The following FNIP2 variants were observed in gnomAD, a reference collection of about 807,000 sequenced individuals.
The protein encoded by FNIP2 is folliculin interacting protein 2.
Under a neutral mutation model 108.7 loss-of-function variants are expected in FNIP2, and 32 were observed. The observed-to-expected ratio is 0.29, with a 90% CI of 0.22 to 0.40. The LOEUF (loss-of-function observed/expected upper bound fraction) is 0.40, where lower values mean the gene tolerates loss of function less well. FNIP2 is among the 10% of genes least tolerant of loss of function. The probability of loss-of-function intolerance (pLI) is 1.00; values close to 1 mark genes in which losing one functional copy is unlikely to be tolerated. For missense variants in FNIP2, 1,202 were observed against 1,381.6 expected, an observed-to-expected ratio of 0.87 and a Z score of 2.06; for synonymous variants, 480 against 496.7, an observed-to-expected ratio of 0.97 and a Z score of 0.45.
chr4:158,822,273 G>A (rs185580298), intron 1 of FNIP2, among the ~76,000 whole-genome samples: 62 of 149,212 alleles, frequency 4.2e-4, no homozygotes, highest in South Asian at 2.3e-3. Context: ...GACTTCCCGA[G>A]CTCAGGTGAT....
At chr4:158,828,208 T>G (rs1275609775) in intron 2 of FNIP2, among the ~76,000 whole-genome samples, 2 of 152,230 alleles carry the variant, frequency 1.3e-5, no homozygotes, top group East Asian at 1.9e-4. Flanking sequence ...CATCACATGC[T>G]ATGTAATTCA....
At chr4:158,802,442 C>G (rs1776795023) in intron 1 of FNIP2, among the ~76,000 whole-genome samples, 2 of 151,674 alleles carry the variant, frequency 1.3e-5, no homozygotes, top group Admixed American at 1.3e-4. Context: ...TTGCAAGATT[C>G]ATTAAATGAG....
Position 158,907,773 on chromosome 4 carries a change from C to T in FNIP2, c.*3229C>T, listed in dbSNP as rs1248004885. 1 of 152,096 alleles carries T rather than the reference C, an allele frequency of 6.6e-6. No homozygotes were observed. Among genetic ancestry groups the T allele is most frequent in the Non-Finnish European group, 1.5e-5 (1 of 68,034 alleles). The allele number at this position is 152,096 out of a possible 1,614,324, so 9.4% of individuals were successfully genotyped here. A position where few individuals can be genotyped will look rare whatever the true frequency, so the allele number is the denominator to read the frequency against. ...ATTTTTGCCTAAATCAAGAAGTCCC[C>T]TCTGAATGTTAATTTTTAAATGTCA... is the stretch of plus-strand genomic sequence containing the variant. On this transcript the variant is annotated 3_prime_UTR_variant, in exon 17 of 17. Coordinates refer to ENST00000264433, the MANE Select transcript of FNIP2 (RefSeq NM_020840.3).
At chr4:158,866,508 G>A (rs1780592911) in intron 12 of FNIP2, among the ~76,000 whole-genome samples, 1 of 151,684 alleles carries the variant, frequency 6.6e-6, no homozygotes, top group Non-Finnish European at 1.5e-5. Context: ...GTGAGCCACC[G>A]TGCCCAGCCC....
chr4:158,783,362 C>G (rs1776114900), intron 1 of FNIP2, among the ~76,000 whole-genome samples: 1 of 152,194 alleles, frequency 6.6e-6, no homozygotes, highest in African/African-American at 2.4e-5. Flanking sequence ...AGGCACAGGG[C>G]CTCCAACTCA....
chr4:158,880,314 AC>A (rs1289506740), intron 14 of FNIP2, among the ~76,000 whole-genome samples: 7 of 152,188 alleles, frequency 4.6e-5, no homozygotes, highest in Admixed American at 3.9e-4. Flanking sequence ...GAAGCTGGAA[AC>A]CATCATTCTC....
Position 158,822,161 on chromosome 4 carries a change from A to G in FNIP2, c.108-3755A>G, listed in dbSNP as rs897317611. On this transcript the variant is annotated intron_variant, in intron 1 of 16. Transcript: ENST00000264433. ...AAGACAGTATTCATATGTAAGAAGAATAGAGTTTTCCTCTTTTTTTTTTTT... is the reference window on the plus strand; with the variant it reads ...AAGACAGTATTCATATGTAAGAAGAGTAGAGTTTTCCTCTTTTTTTTTTTT... Among the ~76,000 whole-genome samples, 20 of 150,890 alleles carry G rather than the reference A, an allele frequency of 1.3e-4. No homozygotes were observed. In the East Asian group the frequency reaches 1.4e-3, roughly 10 times the overall value.
chr4:158,859,785 C>T (rs1038631616), intron 10 of FNIP2, 119 bp downstream of exon 10: 16 of 845,342 alleles, frequency 1.9e-5, no homozygotes, highest in Middle Eastern at 2.2e-4. Flanking sequence ...TTTGTGGTTC[C>T]GCCCTTCAAG....
intron 1 of FNIP2, chr4:158,806,130 G>C: frequency 8.3e-7 from 1 of 1,205,176 alleles, no homozygotes; most frequent in Non-Finnish European, 1.1e-6. Flanking sequence ...TGAAATGATT[G>C]TTTAGAACTG....
intron 14 of FNIP2, among the ~76,000 whole-genome samples, chr4:158,881,307 C>G (rs1264992194): frequency 1.4e-5 from 2 of 147,060 alleles, no homozygotes; most frequent in Admixed American, 1.3e-4. Flanking sequence ...GTCTCCCTCC[C>G]TCTCTCTTTC....
At chr4:158,806,125 T>C in intron 1 of FNIP2, 1 of 1,193,728 alleles carries the variant, frequency 8.4e-7, no homozygotes, top group East Asian at 5.8e-5. Flanking sequence ...GGGAGTGAAA[T>C]GATTGTTTAG....
intron 14 of FNIP2, among the ~76,000 whole-genome samples, chr4:158,879,970 T>C (rs1050447165): frequency 1.3e-5 from 2 of 150,066 alleles, no homozygotes; most frequent in African/African-American, 5.0e-5. Context: ...TGTGGAGAAA[T>C]AGGAACACTT....
At chr4:158,862,134 G>C (rs965315413) in intron 12 of FNIP2, among the ~76,000 whole-genome samples, 1 of 152,164 alleles carries the variant, frequency 6.6e-6, no homozygotes, top group Non-Finnish European at 1.5e-5. Context: ...ACGCATTAAT[G>C]GATATTGAGT....
At chr4:158,872,727 T>C (rs1302746892) in intron 14 of FNIP2, 3 of 982,922 alleles carry the variant, frequency 3.1e-6, no homozygotes, top group Non-Finnish European at 3.6e-6. Context: ...CTCTGGTCTA[T>C]GGTAGTGTTT....
intron 1 of FNIP2, among the ~76,000 whole-genome samples, chr4:158,811,555 T>TTAA (rs56387475): frequency 6.6e-6 from 1 of 151,352 alleles, no homozygotes; most frequent in Non-Finnish European, 1.5e-5. Flanking sequence ...ATAATATTAA[T>TTAA]TAATAATAAT....
At chr4:158,875,754 TC>T (rs1231373903) in intron 14 of FNIP2, among the ~76,000 whole-genome samples, 1 of 152,032 alleles carries the variant, frequency 6.6e-6, no homozygotes, top group Admixed American at 6.6e-5. Flanking sequence ...TGTTTTCTTT[TC>T]CCCATGTTTG....
intron 12 of FNIP2, among the ~76,000 whole-genome samples, chr4:158,863,698 T>C (rs1201434042): frequency 3.3e-5 from 5 of 152,246 alleles, no homozygotes; most frequent in African/African-American, 1.2e-4. Flanking sequence ...GTATATTTTG[T>C]AAAATGTCTG....
intron 1 of FNIP2, among the ~76,000 whole-genome samples, chr4:158,824,326 GT>G (rs1778039155): frequency 6.6e-6 from 1 of 152,212 alleles, no homozygotes; most frequent in African/African-American, 2.4e-5. Context: ...GAATCCAGAT[GT>G]GTCTTATTTC....
chr4:158,892,449 A>G (rs1782340878), intron 15 of FNIP2, among the ~76,000 whole-genome samples: 1 of 152,192 alleles, frequency 6.6e-6, no homozygotes, highest in African/African-American at 2.4e-5. Context: ...GACAGAGCCT[A>G]TACACTCTTA....
Sources: allele counts gnomAD v4.1 joint callset (sites outside exome capture counted in the v4.1 genomes callset), GRCh38; gene constraint gnomAD v4.1.1; transcripts MANE v1.5; gene names NCBI Gene and HGNC (gene_info 2026-07-23, HGNC 2026-07-21).